The following NKAIN2 variants were observed in gnomAD, a reference collection of about 807,000 sequenced individuals.
NKAIN2 encodes sodium/potassium-transporting ATPase subunit beta-1-interacting protein 2.
Under a neutral mutation model 32.6 loss-of-function variants are expected in NKAIN2, and 14 were observed. The ratio of observed to expected loss-of-function variants is 0.43; its 90% CI spans 0.28 to 0.67. The LOEUF (loss-of-function observed/expected upper bound fraction) is 0.67. Ranked by LOEUF, NKAIN2 falls within the 30% of genes least tolerant of loss-of-function variation. The pLI is 0.17. For missense variants in NKAIN2, 198 were observed against 258.3 expected (o/e 0.77, Z 1.60); for synonymous variants, 80 against 87.2 (o/e 0.92, Z 0.46).
At chr6:124,010,018 G>A (rs1045772686) in intron 1 of NKAIN2, among the ~76,000 whole-genome samples, 1 of 152,162 alleles carries the variant, frequency 6.6e-6, no homozygotes. Flanking sequence ...AACAAGATGA[G>A]TATTTAAAGT....
chr6:124,554,282 A>T (rs970363616), intron 3 of NKAIN2, among the ~76,000 whole-genome samples: 1 of 152,220 alleles, frequency 6.6e-6, no homozygotes, highest in Non-Finnish European at 1.5e-5. Flanking sequence ...ATTTCGTAGA[A>T]GACTTGCTAC....
chr6:123,908,433 CCTATT>C (rs1774999246), intron 1 of NKAIN2, among the ~76,000 whole-genome samples: 1 of 152,136 alleles, frequency 6.6e-6, no homozygotes, highest in South Asian at 2.1e-4. Context: ...GCATGCATAT[CCTATT>C]CTATTTTTAA....
intron 1 of NKAIN2, among the ~76,000 whole-genome samples, chr6:124,095,823 C>T (rs1784626306): frequency 6.6e-6 from 1 of 152,076 alleles, no homozygotes; most frequent in Non-Finnish European, 1.5e-5. Context: ...TACCTATTCC[C>T]CTGAGTACTT....
intron 1 of NKAIN2, among the ~76,000 whole-genome samples, chr6:123,953,306 C>T (rs1049509467): frequency 1.3e-5 from 2 of 152,028 alleles, no homozygotes; most frequent in Non-Finnish European, 2.9e-5. Context: ...CCCAGGGTGG[C>T]GTATGTTGGC....
intron 3 of NKAIN2, among the ~76,000 whole-genome samples, chr6:124,498,160 A>G (rs1778140461): frequency 6.6e-6 from 1 of 152,154 alleles, no homozygotes; most frequent in Admixed American, 6.5e-5. Flanking sequence ...TCCAAGAGTT[A>G]CTTATTCATT....
chr6:124,578,629 T>G (rs985826659), intron 3 of NKAIN2, among the ~76,000 whole-genome samples: 1 of 152,074 alleles, frequency 6.6e-6, no homozygotes, highest in Non-Finnish European at 1.5e-5. Flanking sequence ...CTGAACCTAC[T>G]GGGGCCAGGG....
intron 4 of NKAIN2, among the ~76,000 whole-genome samples, chr6:124,686,689 T>G (rs2114520470): frequency 6.6e-6 from 1 of 152,272 alleles, no homozygotes; most frequent in Non-Finnish European, 1.5e-5. Flanking sequence ...TGTATATGCA[T>G]CACATACATC....
At chr6:124,418,551 A>T (rs1774602710) in intron 3 of NKAIN2, among the ~76,000 whole-genome samples, 1 of 138,578 alleles carries the variant, frequency 7.2e-6, no homozygotes, top group African/African-American at 3.1e-5. Flanking sequence ...ATTATATATT[A>T]TATATATAAA....
chr6:123,819,967 C>T (rs894809291), intron 1 of NKAIN2, among the ~76,000 whole-genome samples: 1 of 152,060 alleles, frequency 6.6e-6, no homozygotes, highest in East Asian at 1.9e-4. Context: ...TAGATGGTAA[C>T]CTGACACTTT....
intron 1 of NKAIN2, among the ~76,000 whole-genome samples, chr6:123,955,199 A>C (rs1253648243): frequency 2.2e-5 from 3 of 135,272 alleles, no homozygotes; most frequent in Admixed American, 6.9e-5. Flanking sequence ...GAAAAACCAA[A>C]AAAAAAAAAA....
chr6:124,309,801 C>A (rs1232389074), intron 2 of NKAIN2, among the ~76,000 whole-genome samples: 1 of 151,992 alleles, frequency 6.6e-6, no homozygotes, highest in Non-Finnish European at 1.5e-5. Context: ...ACTAGTCATC[C>A]TAGTTTTATT....
chr6:124,412,000 C>A (rs149672224), intron 3 of NKAIN2, among the ~76,000 whole-genome samples: 4 of 152,196 alleles, frequency 2.6e-5, no homozygotes, highest in African/African-American at 9.7e-5. Flanking sequence ...GCATTCATCA[C>A]GTGGTTCTCG....
At chr6:124,274,782 C>CA (rs956865173) in intron 1 of NKAIN2, among the ~76,000 whole-genome samples, 2 of 150,796 alleles carry the variant, frequency 1.3e-5, no homozygotes, top group South Asian at 2.1e-4. Context: ...ACACACTATT[C>CA]AAAAAAAAGG....
chr6:123,909,126 C>T (rs941590664), intron 1 of NKAIN2, among the ~76,000 whole-genome samples: 4 of 151,978 alleles, frequency 2.6e-5, no homozygotes, highest in African/African-American at 9.7e-5. Flanking sequence ...TACCCTGATT[C>T]TCTCCGCACC....
chr6:124,137,233 C>T (rs1441572733), intron 1 of NKAIN2, among the ~76,000 whole-genome samples: 1 of 151,960 alleles, frequency 6.6e-6, no homozygotes, highest in African/African-American at 2.4e-5. Flanking sequence ...CTGAGAATTA[C>T]ATTAAGAACT....
At chr6:124,042,132 ACTT>A (rs1228263409) in intron 1 of NKAIN2, among the ~76,000 whole-genome samples, 4 of 152,108 alleles carry the variant, frequency 2.6e-5, no homozygotes, top group African/African-American at 9.7e-5. Context: ...GAAAAGTCTG[ACTT>A]CAAATTGTGT....
intron 1 of NKAIN2, among the ~76,000 whole-genome samples, chr6:124,153,506 A>G (rs1461303893): frequency 6.6e-6 from 1 of 151,826 alleles, no homozygotes; most frequent in African/African-American, 2.4e-5. Flanking sequence ...AAAATATCAT[A>G]TACTTCTACT....
intron 3 of NKAIN2, among the ~76,000 whole-genome samples, chr6:124,475,292 C>A (rs1205150160): frequency 1.3e-5 from 2 of 152,126 alleles, no homozygotes; most frequent in African/African-American, 4.8e-5. Flanking sequence ...GCATTTAGAG[C>A]ACATATCTCT....
In NKAIN2 at chr6:124,163,092, G is replaced by A. The variant is rs971877486; in HGVS notation, c.55-119913G>A. 2.0e-5 allele frequency among the ~76,000 whole-genome samples: 3 copies of A among 151,718 alleles called. 1 individual carries two copies. The highest frequency in any genetic ancestry group is 2.0e-4 in the Admixed American group (3 of 15,196). Reference sequence around the variant, plus strand: ...TTTTCATCTTCATACTGTGAATATTGGAACACTAGGTAATGTTTCAGTATC... The same window carrying A: ...TTTTCATCTTCATACTGTGAATATTAGAACACTAGGTAATGTTTCAGTATC... On this transcript the variant is annotated intron_variant, in intron 1 of 6. Transcript: ENST00000368417.
Sources: gnomAD v4.1 joint callset for allele counts (sites outside exome capture counted in the v4.1 genomes callset) on GRCh38, gnomAD v4.1.1 for gene constraint, MANE v1.5 for transcripts, NCBI Gene and HGNC (gene_info 2026-07-23, HGNC 2026-07-21) for gene names.